CCDC148: variants seen among roughly 807,000 people sequenced by gnomAD.
CCDC148 encodes coiled-coil domain containing 148.
Under a neutral mutation model 85.7 loss-of-function variants are expected in CCDC148, and 89 were observed. The ratio of observed to expected loss-of-function variants is 1.04; its 90% CI spans 0.87 to 1.24. The LOEUF (loss-of-function observed/expected upper bound fraction) is 1.24, where lower values mean the gene tolerates loss of function less well. Ranked by LOEUF, CCDC148 falls within the 50% of genes most tolerant of loss-of-function variation. The pLI is 0.00. For synonymous variants in CCDC148, 230 were observed against 213.9 expected (o/e 1.08, Z -0.66); for missense variants, 692 against 671.7 (o/e 1.03, Z -0.33).
intron 10 of CCDC148, chr2:158,235,633 T>C (rs1016763780): frequency 1.3e-5 from 2 of 152,230 alleles, no homozygotes; most frequent in Admixed American, 6.5e-5. Context: ...ACAACACCCT[T>C]CTTTAGTCTT....
intron 1 of CCDC148, among the ~76,000 whole-genome samples, chr2:158,359,987 G>A (rs1054494920): frequency 5.9e-5 from 9 of 152,144 alleles, no homozygotes; most frequent in African/African-American, 2.2e-4. Flanking sequence ...AGCTTTTGTG[G>A]GGGTAGGCGC....
chr2:158,251,423 C>T (rs1449929199), intron 9 of CCDC148, among the ~76,000 whole-genome samples: 2 of 151,716 alleles, frequency 1.3e-5, no homozygotes, highest in Non-Finnish European at 3.0e-5. Context: ...GTGTTATTGG[C>T]AGAAGTATAC....
chr2:158,406,624 T>TG (rs1423803250), intron 1 of CCDC148, among the ~76,000 whole-genome samples: 733 of 24,866 alleles, frequency 0.029, 39 homozygotes, highest in African/African-American at 0.08. Context: ...TTTTTTTTTT[T>TG]TTTTTTTTTT....
At chr2:158,324,424 A>G (rs929865264) in intron 7 of CCDC148, among the ~76,000 whole-genome samples, 3 of 152,168 alleles carry the variant, frequency 2.0e-5, no homozygotes, top group African/African-American at 7.2e-5. Context: ...CATTAATGTC[A>G]GTGTAGTATT....
intron 1 of CCDC148, among the ~76,000 whole-genome samples, chr2:158,412,395 T>A (rs1229594954): frequency 6.6e-6 from 1 of 152,192 alleles, no homozygotes; most frequent in Non-Finnish European, 1.5e-5. Flanking sequence ...TCGGTCATCT[T>A]GCTGACATCA....
chr2:158,435,607 G>C (rs1171373982), intron 1 of CCDC148, among the ~76,000 whole-genome samples: 1 of 152,152 alleles, frequency 6.6e-6, no homozygotes, highest in African/African-American at 2.4e-5. Flanking sequence ...ATAATGACAG[G>C]ATCAAATTCA....
intron 1 of CCDC148, among the ~76,000 whole-genome samples, chr2:158,429,360 A>AAGAGATAG (rs1553521113): frequency 1.8e-3 from 274 of 149,732 alleles, no homozygotes; most frequent in Middle Eastern, 0.01. Context: ...AAAGAGCATG[A>AAGAGATAG]ATAGATAGAT....
chr2:158,266,474 T>G (rs890185469), intron 9 of CCDC148, among the ~76,000 whole-genome samples: 10 of 152,180 alleles, frequency 6.6e-5, no homozygotes, highest in African/African-American at 2.4e-4. Flanking sequence ...TTTAAATTTT[T>G]TAATTTATTT....
chr2:158,197,883 G>A (rs577043038), intron 11 of CCDC148, among the ~76,000 whole-genome samples: 1 of 151,784 alleles, frequency 6.6e-6, no homozygotes, highest in Non-Finnish European at 1.5e-5. Context: ...TCATTAACTG[G>A]TTAATGCAAT....
At chr2:158,172,575 A>C (rs551504859) in intron 13 of CCDC148, among the ~76,000 whole-genome samples, 1 of 152,212 alleles carries the variant, frequency 6.6e-6, no homozygotes, top group South Asian at 2.1e-4. Flanking sequence ...TTTATCACTT[A>C]TTGCTGGCTG....
At chr2:158,216,907 A>G (rs74976645) in intron 11 of CCDC148, among the ~76,000 whole-genome samples, 1,586 of 152,280 alleles carry the variant, frequency 0.01, 20 homozygotes, top group African/African-American at 0.035. Context: ...CCTTGCAACA[A>G]TCTTAAGAAG....
intron 9 of CCDC148, among the ~76,000 whole-genome samples, chr2:158,277,721 C>T (rs182928423): frequency 1.3e-5 from 2 of 152,090 alleles, no homozygotes; most frequent in Admixed American, 6.5e-5. Flanking sequence ...CTCAGCCTCC[C>T]GAGTAGCTGG....
intron 9 of CCDC148, among the ~76,000 whole-genome samples, chr2:158,288,073 C>T (rs1479766585): frequency 6.6e-6 from 1 of 152,176 alleles, no homozygotes; most frequent in Non-Finnish European, 1.5e-5. Context: ...CACAGCCTGA[C>T]CTGTACTTTG....
intron 10 of CCDC148, among the ~76,000 whole-genome samples, chr2:158,238,388 T>A (rs1688205689): frequency 6.6e-6 from 1 of 151,996 alleles, no homozygotes; most frequent in Non-Finnish European, 1.5e-5. Flanking sequence ...TGGGCAGATG[T>A]CATATTGGAA....
In CCDC148 at chr2:158,447,721, C is replaced by T. The variant is rs892698734; in HGVS notation, c.25+8694G>A. Among the ~76,000 whole-genome samples, 7 of 152,012 alleles carry T rather than the reference C, an allele frequency of 4.6e-5. No individual in the cohort carries two copies. In the East Asian group the frequency reaches 1.2e-3, roughly 25 times the overall value. On this transcript the variant is annotated intron_variant, in intron 1 of 13. Transcript: ENST00000283233. ...CTTTTTGGTGAAATCTCTATTAAAA[C>T]ATTTTATTTTTAATTGAATTGCTTA...
At chr2:158,285,697 ATT>A (rs879428742) in intron 9 of CCDC148, among the ~76,000 whole-genome samples, 1 of 144,976 alleles carries the variant, frequency 6.9e-6, no homozygotes, top group Non-Finnish European at 1.5e-5. Context: ...CGCCCGGCTA[ATT>A]TTTTTTTTTT....
intron 12 of CCDC148, among the ~76,000 whole-genome samples, chr2:158,177,204 C>G (rs764143981): frequency 5.3e-5 from 8 of 151,718 alleles, no homozygotes; most frequent in Non-Finnish European, 8.8e-5. Flanking sequence ...CCAGGGACTG[C>G]TATAAACCAT....
intron 9 of CCDC148, among the ~76,000 whole-genome samples, chr2:158,279,655 G>A (rs1052776912): frequency 2.0e-5 from 3 of 152,360 alleles, no homozygotes; most frequent in South Asian, 4.1e-4. Flanking sequence ...TCTGATTGGT[G>A]TACCTGAAAG....
intron 1 of CCDC148, among the ~76,000 whole-genome samples, chr2:158,418,197 A>G (rs1207493211): frequency 1.3e-5 from 2 of 152,060 alleles, no homozygotes; most frequent in Non-Finnish European, 1.5e-5. Context: ...AACCTCCTAC[A>G]AATCACTTAA....
Sources: gnomAD v4.1 joint callset for allele counts (sites outside exome capture counted in the v4.1 genomes callset) on GRCh38, gnomAD v4.1.1 for gene constraint, MANE v1.5 for transcripts, NCBI Gene and HGNC (gene_info 2026-07-23, HGNC 2026-07-21) for gene names.